CACNA2D1: variants seen among roughly 807,000 people sequenced by gnomAD.
The protein encoded by CACNA2D1 is calcium voltage-gated channel auxiliary subunit alpha2delta 1, also known as voltage-dependent calcium channel subunit alpha-2/delta-1.
CACNA2D1 carries 53 observed loss-of-function variants against 171.5 expected under a neutral mutation model. The ratio of observed to expected loss-of-function variants is 0.31; its 90% CI spans 0.25 to 0.39. The LOEUF (loss-of-function observed/expected upper bound fraction) is 0.39, where lower values mean the gene tolerates loss of function less well. Among genes scored for constraint, CACNA2D1 ranks in the 10% least tolerant of loss-of-function variants. The pLI, the probability that CACNA2D1 is intolerant of heterozygous loss-of-function variation, is 1.00. For synonymous variants in CACNA2D1, 442 were observed against 443.1 expected (o/e 1.00, Z 0.03); for missense variants, 903 against 1,299.8 (o/e 0.69, Z 4.69).
chr7:82,051,474 T>A (rs1285178624), intron 10 of CACNA2D1, among the ~76,000 whole-genome samples: 3 of 152,166 alleles, frequency 2.0e-5, no homozygotes, highest in Middle Eastern at 3.4e-3. Context: ...GATTATTTTT[T>A]TTTCTGGTAA....
chr7:82,041,220 A>T (rs1803928278), intron 10 of CACNA2D1, among the ~76,000 whole-genome samples: 1 of 152,118 alleles, frequency 6.6e-6, no homozygotes, highest in African/African-American at 2.4e-5. Context: ...AAGCATAAGA[A>T]GACTGGTGTT....
rs564985417 is a variant in CACNA2D1 at position 82,250,840 on chromosome 7, A to G, written c.295-80231T>C. Among the ~76,000 whole-genome samples the G allele has an allele frequency of 6.6e-5, 10 of 152,230 alleles. No individual in the cohort carries two copies. The South Asian group carries it at 2.1e-3, about 32-fold the overall frequency. On this transcript the variant is annotated intron_variant, in intron 3 of 38. Transcript: ENST00000356860. ...CTGTCACATGAAATAATTGCTTTCT[A>G]TCACTAGCATTTTTCCCAGACTATC...
In CACNA2D1 at chr7:81,949,400, C is replaced by CTTACATAACAATATCACTCAGTTAACT. The variant is rs1329104661; in HGVS notation, c.*965_*991dup. 3 of 152,012 alleles carry CTTACATAACAATATCACTCAGTTAACT rather than the reference C, an allele frequency of 2.0e-5. No homozygotes were observed. The East Asian group carries it at 5.8e-4, about 29-fold the overall frequency. 9.4% of individuals were successfully genotyped at this position (152,012 alleles called of 1,614,324 possible). ...GCATTTACACTGCAAGGTTCAGATT[C>CTTACATAACAATATCACTCAGTTAACT]TTACATAACAATATCACTCAGTTAA... On this transcript the variant is annotated 3_prime_UTR_variant, in exon 39 of 39. Transcript: ENST00000356860.
chr7:82,008,303 T>TA (rs1161702173), intron 15 of CACNA2D1, among the ~76,000 whole-genome samples: 1 of 152,096 alleles, frequency 6.6e-6, no homozygotes, highest in Non-Finnish European at 1.5e-5. Context: ...AAGTAAATGT[T>TA]ACGCTCTTCA....
intron 6 of CACNA2D1, among the ~76,000 whole-genome samples, chr7:82,088,923 T>A (rs1002276776): frequency 6.6e-6 from 1 of 151,842 alleles, no homozygotes; most frequent in Non-Finnish European, 1.5e-5. Flanking sequence ...ATAAGGAGCA[T>A]GGAACCTAGA....
At chr7:81,994,440 A>T (rs1797841204) in intron 20 of CACNA2D1, among the ~76,000 whole-genome samples, 1 of 152,058 alleles carries the variant, frequency 6.6e-6, no homozygotes, top group African/African-American at 2.4e-5. Context: ...AAATAAAAAT[A>T]ATTAATATGT....
At chr7:82,099,859 T>G (rs564530137) in intron 6 of CACNA2D1, among the ~76,000 whole-genome samples, 14 of 152,112 alleles carry the variant, frequency 9.2e-5, no homozygotes, top group Non-Finnish European at 1.8e-4. Context: ...CATGTACAAT[T>G]AATGACATTT....
chr7:81,964,069 T>C lies in CACNA2D1; in HGVS notation c.2767A>G (p.Thr923Ala). The change falls in exon 34 of 39, where the codon ACT becomes GCT. Residue 923 changes from threonine to alanine, a missense_variant. Thr to Ala is a moderately conservative substitution (Grantham distance 58, BLOSUM62 0). Transcript: ENST00000356860. ...ADILQIGWWATAAAWSILQQF... is the reference protein window; with the variant it reads ...ADILQIGWWAAAAAWSILQQF... ...ATTTTGACTTACCAGGCAGCAGCAG[T>C]GGCCCACCAGCCAATTTGTAATATG... 1.2e-6 allele frequency: 2 copies of C among 1,612,098 alleles called. No homozygotes were observed. Among genetic ancestry groups the C allele is most frequent in the South Asian group, 2.2e-5 (2 of 91,042 alleles).
At chr7:82,337,266 T>C (rs1162035371) in intron 2 of CACNA2D1, among the ~76,000 whole-genome samples, 17 of 152,108 alleles carry the variant, frequency 1.1e-4, no homozygotes, top group Non-Finnish European at 2.9e-5. Flanking sequence ...AAAACCACAA[T>C]TGAATTGCTT....
At chr7:81,956,717 G>A (rs1194445365) in intron 38 of CACNA2D1, among the ~76,000 whole-genome samples, 2 of 151,986 alleles carry the variant, frequency 1.3e-5, no homozygotes, top group East Asian at 1.9e-4. Context: ...CATAGTAATG[G>A]CCACATCTCC....
intron 1 of CACNA2D1, among the ~76,000 whole-genome samples, chr7:82,432,037 T>TAAAAAAAAAAAAAAAAAA (rs34180150): frequency 2.1e-4 from 17 of 82,214 alleles, no homozygotes; most frequent in African/African-American, 1.2e-3. Context: ...GACTCTGTCT[T>TAAAAAAAAAAAAAAAAAA]AAAAAAAAAA....
chr7:82,430,961 T>A (rs6944225), intron 1 of CACNA2D1, among the ~76,000 whole-genome samples: 1 of 152,148 alleles, frequency 6.6e-6, no homozygotes, highest in South Asian at 2.1e-4. Context: ...ATTCACTCTC[T>A]GTGGCACAGT....
At chr7:82,276,754 C>CTTTTTT (rs199823327) in intron 3 of CACNA2D1, among the ~76,000 whole-genome samples, 1 of 138,614 alleles carries the variant, frequency 7.2e-6, no homozygotes, top group African/African-American at 2.7e-5. Flanking sequence ...TTTTCTTTTT[C>CTTTTTT]TTTTTTTTTT....
chr7:81,975,021 TTAAAA>T (rs1584251494), intron 24 of CACNA2D1, among the ~76,000 whole-genome samples: 1 of 151,484 alleles, frequency 6.6e-6, no homozygotes, highest in African/African-American at 2.4e-5. Context: ...ATCCCTGAAC[TTAAAA>T]TAAAAAAAAA....
chr7:82,239,157 T>C (rs1280630283), intron 3 of CACNA2D1, among the ~76,000 whole-genome samples: 1 of 152,132 alleles, frequency 6.6e-6, no homozygotes, highest in Non-Finnish European at 1.5e-5. Flanking sequence ...AAACAGAATA[T>C]TATTTTAGAA....
At chr7:82,332,202 C>G (rs1042627233) in intron 3 of CACNA2D1, among the ~76,000 whole-genome samples, 1 of 152,054 alleles carries the variant, frequency 6.6e-6, no homozygotes, top group Non-Finnish European at 1.5e-5. Flanking sequence ...GCTGGGATTA[C>G]AGGCACCTGC....
chr7:82,135,241 G>T (rs895392055), intron 5 of CACNA2D1, among the ~76,000 whole-genome samples: 1 of 151,944 alleles, frequency 6.6e-6, no homozygotes, highest in Non-Finnish European at 1.5e-5. Context: ...TACCAGGAAG[G>T]TTGATGAAGA....
intron 3 of CACNA2D1, among the ~76,000 whole-genome samples, chr7:82,302,441 G>A (rs945304280): frequency 2.8e-5 from 4 of 141,314 alleles, no homozygotes; most frequent in South Asian, 2.2e-4. Context: ...ACGGAGTTTC[G>A]CTCTTGATGC....
intron 1 of CACNA2D1, among the ~76,000 whole-genome samples, chr7:82,430,955 ACT>A (rs1829621528): frequency 1.3e-5 from 2 of 151,896 alleles, no homozygotes; most frequent in Admixed American, 1.3e-4. Flanking sequence ...AAATAGATTC[ACT>A]CTCTGTGGCA....
Sources: gnomAD v4.1 joint callset for allele counts (sites outside exome capture counted in the v4.1 genomes callset) on GRCh38, gnomAD v4.1.1 for gene constraint, MANE v1.5 for transcripts, NCBI Gene and HGNC (gene_info 2026-07-23, HGNC 2026-07-21) for gene names.